ADGRV1: variants seen among roughly 807,000 people sequenced by gnomAD.
ADGRV1 encodes the protein adhesion G protein-coupled receptor V1, also known as G-protein coupled receptor 98.
A neutral mutation model predicts 596.2 loss-of-function variants in ADGRV1; 359 were observed. That is an observed-to-expected ratio of 0.60 (90% CI 0.55 to 0.66). The LOEUF (loss-of-function observed/expected upper bound fraction) is 0.66. Among genes scored for constraint, ADGRV1 ranks in the 30% least tolerant of loss-of-function variants. The probability of loss-of-function intolerance (pLI) is 0.00; values close to 1 mark genes in which losing one functional copy is unlikely to be tolerated. For missense variants in ADGRV1, 7,274 were observed against 7,575.6 expected (o/e 0.96, Z 1.48); for synonymous variants, 2,681 against 2,679.2 (o/e 1.00, Z -0.02).
At chr5:90,644,562 C>A in intron 14 of ADGRV1, 144 bp from the exon 15 acceptor site, 1 of 628,738 alleles carries the variant, frequency 1.6e-6, no homozygotes, top group Non-Finnish European at 2.7e-6. Flanking sequence ...TTATATGTAC[C>A]TTAAAAACTG....
rs1250166761 is a variant in ADGRV1 at position 90,853,477 on chromosome 5, T to C, written c.17398T>C (p.Tyr5800His). The C allele has an allele frequency of 6.2e-7, 1 of 1,613,004 alleles. No individual in the cohort carries two copies. Among genetic ancestry groups the C allele is most frequent in the East Asian group, 2.2e-5 (1 of 44,842 alleles). ...STCKLVQFTE[Y>H]SSQQWFISGN... Reference sequence around the variant, plus strand: ...ATGTAAATTAGTCCAGTTTACAGAGTATAGCAGCCAACAGTGGTTTATAAG... The same window carrying C: ...ATGTAAATTAGTCCAGTTTACAGAGCATAGCAGCCAACAGTGGTTTATAAG... The change falls in exon 80 of 90, where the codon TAT becomes CAT. Residue 5800 changes from tyrosine to histidine, a missense_variant. By Grantham distance (83) the Tyr-to-His change is moderately conservative. Around this residue, in one of 5 missense-constraint regions of ADGRV1, gnomAD observed 1,874 missense variants for 1,970.2 expected, o/e 0.95. Transcript: ENST00000405460.
intron 83 of ADGRV1, among the ~76,000 whole-genome samples, chr5:90,924,330 G>T (rs1427000992): frequency 6.6e-6 from 1 of 151,714 alleles, no homozygotes; most frequent in East Asian, 1.9e-4. Context: ...ATTCTAACTG[G>T]TGTGAGATGG....
At chr5:91,112,492 A>G (rs2126700920) in intron 87 of ADGRV1, among the ~76,000 whole-genome samples, 1 of 152,306 alleles carries the variant, frequency 6.6e-6, no homozygotes, top group East Asian at 1.9e-4. Context: ...GCAAACCTAC[A>G]AGATTTAAAC....
chr5:90,743,527 A>G (rs1303896369), intron 50 of ADGRV1, among the ~76,000 whole-genome samples: 1 of 144,462 alleles, frequency 6.9e-6, no homozygotes, highest in African/African-American at 2.6e-5. Flanking sequence ...GCTAGAGAGC[A>G]GTGGCACGAT....
chr5:90,863,942 G>A, intron 83 of ADGRV1, 85 bp downstream of exon 83: 2 of 858,492 alleles, frequency 2.3e-6, no homozygotes, highest in Non-Finnish European at 3.8e-6. Context: ...TAAAAGTAAA[G>A]TTTAATCTCA....
At chr5:90,924,341 T>C (rs1257664480) in intron 83 of ADGRV1, among the ~76,000 whole-genome samples, 1 of 151,930 alleles carries the variant, frequency 6.6e-6, no homozygotes, top group Non-Finnish European at 1.5e-5. Flanking sequence ...TGTGAGATGG[T>C]ATCTCATTGT....
intron 86 of ADGRV1, among the ~76,000 whole-genome samples, chr5:91,096,540 A>G (rs908274013): frequency 6.6e-6 from 1 of 152,158 alleles, no homozygotes; most frequent in Non-Finnish European, 1.5e-5. Context: ...TTCTTTCACT[A>G]AAACCTTTTC....
intron 83 of ADGRV1, among the ~76,000 whole-genome samples, chr5:90,918,641 T>A (rs1264852789): frequency 3.9e-5 from 6 of 152,216 alleles, no homozygotes; most frequent in African/African-American, 1.4e-4. Flanking sequence ...TAAATAATAA[T>A]AAGTTTCCAG....
Position 90,666,677 on chromosome 5 carries a change from T to C in ADGRV1, c.4753-5869T>C, listed in dbSNP as rs372267076. Reference sequence around the variant, plus strand: ...TATGATGTTAGCGGGTTATTTTGCTTGTTAGTTGATGCAGTTTCTTCCTAG... The same window carrying C: ...TATGATGTTAGCGGGTTATTTTGCTCGTTAGTTGATGCAGTTTCTTCCTAG... On this transcript the variant is annotated intron_variant, in intron 21 of 89. Transcript: ENST00000405460. 4.0e-5 allele frequency among the ~76,000 whole-genome samples: 6 copies of C among 150,622 alleles called. No individual in the cohort carries two copies. In the South Asian group the frequency reaches 6.4e-4, roughly 16 times the overall value.
At chr5:90,889,433 A>G (rs1474675283) in intron 83 of ADGRV1, among the ~76,000 whole-genome samples, 2 of 152,106 alleles carry the variant, frequency 1.3e-5, no homozygotes, top group African/African-American at 4.8e-5. Flanking sequence ...GGAAGAGCTC[A>G]GGGCTCTTCC....
intron 45 of ADGRV1, among the ~76,000 whole-genome samples, chr5:90,723,580 T>C (rs1181382083): frequency 6.6e-6 from 1 of 152,216 alleles, no homozygotes; most frequent in Non-Finnish European, 1.5e-5. Flanking sequence ...TTTGTCCATA[T>C]GTCAGGACCA....
At chr5:90,818,887 G>T (rs1249571301) in intron 75 of ADGRV1, among the ~76,000 whole-genome samples, 10 of 149,172 alleles carry the variant, frequency 6.7e-5, no homozygotes, top group African/African-American at 2.5e-4. Flanking sequence ...TTTTTTGGTT[G>T]TGTCTCTGCC....
chr5:90,588,379 G>A (rs1349970820), intron 1 of ADGRV1, among the ~76,000 whole-genome samples: 1 of 152,234 alleles, frequency 6.6e-6, no homozygotes, highest in Non-Finnish European at 1.5e-5. Context: ...TTCACCTGGA[G>A]ATGCCAAATA....
intron 70 of ADGRV1, among the ~76,000 whole-genome samples, chr5:90,801,898 A>C (rs991736045): frequency 2.0e-5 from 3 of 152,232 alleles, no homozygotes; most frequent in Non-Finnish European, 4.4e-5. Context: ...TTGGATTCTA[A>C]AATTTTGAAA....
At chr5:90,755,827 A>G (rs1302788489) in intron 55 of ADGRV1, among the ~76,000 whole-genome samples, 1 of 148,538 alleles carries the variant, frequency 6.7e-6, no homozygotes, top group Non-Finnish European at 1.5e-5. Flanking sequence ...ATTATATACC[A>G]TAGAATATAT....
At chr5:90,604,543 T>C (rs1761831552) in intron 1 of ADGRV1, among the ~76,000 whole-genome samples, 1 of 152,234 alleles carries the variant, frequency 6.6e-6, no homozygotes, top group Non-Finnish European at 1.5e-5. Flanking sequence ...TTCATGACTT[T>C]TTAAGATCTA....
At chr5:90,819,517 A>G (rs528240367) in intron 75 of ADGRV1, among the ~76,000 whole-genome samples, 65 of 149,348 alleles carry the variant, frequency 4.4e-4, no homozygotes, top group Non-Finnish European at 7.7e-4. Context: ...TAGGGTGTCA[A>G]TTTTGGATCT....
chr5:91,145,250 T>C (rs1795433876), intron 87 of ADGRV1, among the ~76,000 whole-genome samples: 1 of 152,244 alleles, frequency 6.6e-6, no homozygotes, highest in South Asian at 2.1e-4. Context: ...GGCAGTTCCT[T>C]TCCTGAAACA....
intron 83 of ADGRV1, among the ~76,000 whole-genome samples, chr5:90,954,907 C>T (rs1777341174): frequency 6.6e-6 from 1 of 152,098 alleles, no homozygotes; most frequent in African/African-American, 2.4e-5. Flanking sequence ...GTTCCTCAAA[C>T]ATTGTTTCTG....
Sources: allele counts gnomAD v4.1 joint callset (sites outside exome capture counted in the v4.1 genomes callset), GRCh38; gene constraint gnomAD v4.1.1; regional missense constraint gnomAD v4.1.1; transcripts MANE v1.5; gene names NCBI Gene and HGNC (gene_info 2026-07-23, HGNC 2026-07-21).